Variants in BTBD9 observed in about 807,000 individuals in gnomAD.
BTBD9 encodes BTB/POZ domain-containing protein 9.
A neutral mutation model predicts 64.3 loss-of-function variants in BTBD9; 49 were observed. That is an observed-to-expected ratio of 0.76 (90% CI 0.61 to 0.97). BTBD9 has a LOEUF of 0.97. BTBD9 is among the 50% of genes least tolerant of loss of function. The probability of loss-of-function intolerance (pLI) is 0.00; values close to 1 mark genes in which losing one functional copy is unlikely to be tolerated. For synonymous variants in BTBD9, 260 were observed against 274.7 expected, an observed-to-expected ratio of 0.95 and a Z score of 0.53; for missense variants, 598 against 762.1, an observed-to-expected ratio of 0.78 and a Z score of 2.53.
intron 1 of BTBD9, among the ~76,000 whole-genome samples, chr6:38,609,049 C>G (rs1777524208): frequency 6.6e-6 from 1 of 152,142 alleles, no homozygotes; most frequent in South Asian, 2.1e-4. Context: ...CTGAATTGAC[C>G]AAGAATTCTT....
intron 6 of BTBD9, among the ~76,000 whole-genome samples, chr6:38,487,860 AT>A (rs1348170246): frequency 6.6e-6 from 1 of 152,318 alleles, no homozygotes; most frequent in East Asian, 1.9e-4. Flanking sequence ...AAAAAGAATA[AT>A]TTGTAACAGA....
intron 6 of BTBD9, chr6:38,402,728 G>A (rs1766990900): frequency 2.9e-6 from 2 of 688,238 alleles, no homozygotes; most frequent in Non-Finnish European, 5.3e-6. Context: ...GAAAATAGAG[G>A]TGTATGTTAT....
At chr6:38,591,693 G>C (rs575866605) in intron 4 of BTBD9, among the ~76,000 whole-genome samples, 10 of 152,236 alleles carry the variant, frequency 6.6e-5, no homozygotes, top group Non-Finnish European at 1.3e-4. Context: ...GTCAATAACA[G>C]TATATACCTC....
At chr6:38,501,730 C>T (rs1772211267) in intron 6 of BTBD9, among the ~76,000 whole-genome samples, 1 of 152,158 alleles carries the variant, frequency 6.6e-6, no homozygotes, top group Non-Finnish European at 1.5e-5. Flanking sequence ...CCACAGGCTC[C>T]ATCACCTGTT....
intron 6 of BTBD9, among the ~76,000 whole-genome samples, chr6:38,351,787 C>A (rs1002243009): frequency 1.3e-5 from 2 of 152,000 alleles, no homozygotes; most frequent in African/African-American, 4.8e-5. Flanking sequence ...GCATGAGCCA[C>A]CGCCCCAGCC....
intron 6 of BTBD9, 107 bp downstream of exon 6, chr6:38,577,493 C>T: frequency 5.4e-6 from 6 of 1,115,908 alleles, no homozygotes; most frequent in South Asian, 1.6e-5. Flanking sequence ...TAGTAGTTGA[C>T]ATCCTGAATA....
chr6:38,423,390 C>T (rs893780845), intron 6 of BTBD9, among the ~76,000 whole-genome samples: 3 of 152,028 alleles, frequency 2.0e-5, no homozygotes, highest in African/African-American at 7.2e-5. Context: ...CTGCCACTTC[C>T]GCCTCCCAGG....
intron 1 of BTBD9, among the ~76,000 whole-genome samples, chr6:38,622,311 G>A (rs967427169): frequency 6.6e-6 from 1 of 152,230 alleles, no homozygotes; most frequent in Non-Finnish European, 1.5e-5. Context: ...AGTCCCTGTT[G>A]ATAACTTTAC....
chr6:38,473,429 T>C (rs1462596249), intron 6 of BTBD9, among the ~76,000 whole-genome samples: 3 of 152,224 alleles, frequency 2.0e-5, no homozygotes, highest in Non-Finnish European at 4.4e-5. Flanking sequence ...ATGCCTAAAA[T>C]TGGATTCATT....
At chr6:38,230,705 T>A (rs536966302) in intron 9 of BTBD9, among the ~76,000 whole-genome samples, 1 of 152,242 alleles carries the variant, frequency 6.6e-6, no homozygotes, top group East Asian at 1.9e-4. Flanking sequence ...AAGCCATCCT[T>A]CTGTTCTGCA....
At chr6:38,336,032 G>A (rs549353260) in intron 7 of BTBD9, among the ~76,000 whole-genome samples, 4 of 151,886 alleles carry the variant, frequency 2.6e-5, no homozygotes, top group South Asian at 2.1e-4. Flanking sequence ...TACCGCACCC[G>A]GCCTCCAGGT....
At chr6:38,576,930 T>C (rs1351809270) in intron 6 of BTBD9, among the ~76,000 whole-genome samples, 1 of 152,120 alleles carries the variant, frequency 6.6e-6, no homozygotes, top group Non-Finnish European at 1.5e-5. Context: ...ATATGAAATA[T>C]TAAAACAGTA....
chr6:38,353,313 C>A (rs1764595846), intron 6 of BTBD9, among the ~76,000 whole-genome samples: 1 of 150,900 alleles, frequency 6.6e-6, no homozygotes, highest in African/African-American at 2.4e-5. Flanking sequence ...TTGTTCTTTC[C>A]ATTTTTTTCA....
chr6:38,198,678 C>G (rs1000495310), intron 9 of BTBD9, among the ~76,000 whole-genome samples: 16 of 152,170 alleles, frequency 1.1e-4, no homozygotes, highest in African/African-American at 3.1e-4. Flanking sequence ...GAGACAGAGA[C>G]AGGAAAGTAT....
intron 7 of BTBD9, among the ~76,000 whole-genome samples, chr6:38,335,231 CTTTTA>C (rs200547149): frequency 0.019 from 2,798 of 149,954 alleles, 80 homozygotes; most frequent in African/African-American, 0.061. Flanking sequence ...CCAAGTAGTT[CTTTTA>C]TTTTATTTTA....
chr6:38,597,670 T>G (rs1227178639), intron 2 of BTBD9, among the ~76,000 whole-genome samples: 1 of 151,604 alleles, frequency 6.6e-6, no homozygotes, highest in African/African-American at 2.4e-5. Flanking sequence ...TGAAAAATGG[T>G]TGATTGGGCA....
chr6:38,269,060 T>A (rs898147234), intron 8 of BTBD9, among the ~76,000 whole-genome samples: 3 of 152,204 alleles, frequency 2.0e-5, no homozygotes, highest in African/African-American at 7.2e-5. Context: ...AACAAAACTA[T>A]AATAAGTTGC....
intron 8 of BTBD9, among the ~76,000 whole-genome samples, chr6:38,267,462 T>TA (rs1186196226): frequency 6.6e-6 from 1 of 151,938 alleles, no homozygotes; most frequent in Non-Finnish European, 1.5e-5. Flanking sequence ...GGGAGTAGAG[T>TA]CACCTTGGCT....
chr6:38,572,357 C>T (rs1055746249), intron 6 of BTBD9, among the ~76,000 whole-genome samples: 1 of 151,994 alleles, frequency 6.6e-6, no homozygotes, highest in Non-Finnish European at 1.5e-5. Context: ...TGAAGCATGC[C>T]TAAATTTCCT....
Sources: allele counts gnomAD v4.1 joint callset (sites outside exome capture counted in the v4.1 genomes callset), GRCh38; gene constraint gnomAD v4.1.1; transcripts MANE v1.5; gene names NCBI Gene and HGNC (gene_info 2026-07-23, HGNC 2026-07-21).